The following SAP30BP variants were observed in gnomAD, a reference collection of about 807,000 sequenced individuals.
The protein encoded by SAP30BP is SAP30-binding protein.
Under a neutral mutation model 46.3 loss-of-function variants are expected in SAP30BP, and 31 were observed. That is an observed-to-expected ratio of 0.67 (90% confidence interval 0.50 to 0.90). SAP30BP has a LOEUF of 0.90. Among genes scored for constraint, SAP30BP ranks in the 40% least tolerant of loss-of-function variants. The pLI is 0.00. For synonymous variants in SAP30BP, 169 were observed against 144.2 expected (o/e 1.17, Z -1.23); for missense variants, 312 against 391.0 (o/e 0.80, Z 1.70).
At chr17:75,674,368 C>T (rs909059790) in intron 3 of SAP30BP, among the ~76,000 whole-genome samples, 19 of 152,136 alleles carry the variant, frequency 1.2e-4, no homozygotes, top group African/African-American at 4.3e-4. Flanking sequence ...GATCTCGGCT[C>T]AGTGCAACCT....
intron 3 of SAP30BP, 52 bp from the exon 4 acceptor site, chr17:75,693,388 G>T (rs2060267721): frequency 6.7e-7 from 1 of 1,493,944 alleles, no homozygotes; most frequent in Non-Finnish European, 9.3e-7. Flanking sequence ...GTAGAGAGTA[G>T]CTGGTTCAGG....
Position 75,703,328 on chromosome 17 carries a change from TC to T in SAP30BP, c.508del (p.Gln170SerfsTer31). 1 of 1,614,144 alleles carries T rather than the reference TC, an allele frequency of 6.2e-7. No homozygotes were observed. Among genetic ancestry groups the T allele is most frequent in the African/African-American group, 1.3e-5 (1 of 75,072 alleles). On this transcript the variant is annotated frameshift_variant, in exon 7 of 11. Coordinates refer to ENST00000584667, the MANE Select transcript of SAP30BP (RefSeq NM_013260.8). LOFTEE classifies it high-confidence loss of function. ...TCTTTCAGCATCTACGAGAAGCTGA[TC>T]CAGTTCTGTGCCATTGACGAGCTTG... is the stretch of plus-strand genomic sequence containing the variant. ...FRNPSIYEKL[I>X]QFCAIDELGT...
chr17:75,696,888 C>A (rs2060329416), intron 4 of SAP30BP, among the ~76,000 whole-genome samples: 1 of 151,478 alleles, frequency 6.6e-6, no homozygotes, highest in South Asian at 2.1e-4. Flanking sequence ...CACCATTCTC[C>A]TGCCTCAGCC....
intron 3 of SAP30BP, among the ~76,000 whole-genome samples, chr17:75,685,783 G>A (rs1243987018): frequency 6.6e-6 from 1 of 152,094 alleles, no homozygotes; most frequent in Non-Finnish European, 1.5e-5. Flanking sequence ...GCCTGTCCTG[G>A]CCTCACCACC....
Position 75,703,797 on chromosome 17 carries a change from T to G in SAP30BP, c.550-11T>G. On this transcript the variant is annotated splice_polypyrimidine_tract_variant and intron_variant, in intron 7 of 10. Coordinates refer to ENST00000584667, the MANE Select transcript of SAP30BP (RefSeq NM_013260.8). ...ATTTGTCATCTGAGTCATTCGCCTT[T>G]TCCTTTGCAGGATATGTTTGATCCC... 6.2e-7 allele frequency: 1 copy of G among 1,612,920 alleles called. No homozygotes were observed. The highest frequency in any genetic ancestry group is 8.5e-7 in the Non-Finnish European group (1 of 1,178,880).
chr17:75,689,065 A>T (rs2060204229), intron 3 of SAP30BP, among the ~76,000 whole-genome samples: 1 of 151,942 alleles, frequency 6.6e-6, no homozygotes, highest in Non-Finnish European at 1.5e-5. Flanking sequence ...GGTGTCCTCC[A>T]CCAGCTCAGC....
chr17:75,705,334 T>C, intron 9 of SAP30BP: 1 of 168,002 alleles, frequency 6.0e-6, no homozygotes, highest in Non-Finnish European at 1.3e-5. Flanking sequence ...TGGGCCTTGT[T>C]CCCTTTGTGA....
At position 75,706,352 on chromosome 17, in the gene SAP30BP, G is replaced by A. The variant is rs1238079099; in HGVS notation, c.758G>A (p.Arg253Lys). Residue 253 changes from arginine (R) to lysine (K), a missense_variant, in exon 11 of 11, where the codon AGA becomes AAA. Around this residue, in one of 2 missense-constraint regions of SAP30BP, gnomAD observed 296 missense variants for 346.6 expected, o/e 0.85. Coordinates refer to ENST00000584667, the MANE Select transcript of SAP30BP (RefSeq NM_013260.8). The surrounding 1 kb of genome is among the most constrained non-coding windows in gnomAD (Gnocchi z 4.6). Reference protein sequence around the residue: ...ASTAVADAQKRKSKWDSAIPV... With the variant: ...ASTAVADAQKKKSKWDSAIPV... ...GCTTTATCTCCAGATGCTCAGAAGAGAAAGAGCAAGTGGGATTCGGCTATC... is the reference window on the plus strand; with the variant it reads ...GCTTTATCTCCAGATGCTCAGAAGAAAAAGAGCAAGTGGGATTCGGCTATC... The A allele has an allele frequency of 6.2e-7, 1 of 1,613,384 alleles. No individual in the cohort carries two copies. The highest frequency in any genetic ancestry group is 8.5e-7 in the Non-Finnish European group (1 of 1,179,882).
rs68006166 is a variant in SAP30BP at position 75,687,917 on chromosome 17, G to GGTGTGTGTGTGT, written c.265-5495_265-5484dup. 5.2e-3 allele frequency among the ~76,000 whole-genome samples: 620 copies of GGTGTGTGTGTGT among 120,320 alleles called. 4 individuals are homozygous for GGTGTGTGTGTGT. The highest frequency in any genetic ancestry group is 0.013 in the African/African-American group (432 of 32,956). The allele number at this position is 120,320 out of a possible 152,430, so 78.9% of individuals were successfully genotyped here. A position where few individuals can be genotyped will look rare whatever the true frequency, so the allele number is the denominator to read the frequency against. ...CAGAAGACAAACTGACAGTGTTTGG[G>GGTGTGTGTGTGT]GTGTGTGTGTGTGTGTGTGTGTGTG... On this transcript the variant is annotated intron_variant, in intron 3 of 10. Transcript: ENST00000584667.
intron 3 of SAP30BP, among the ~76,000 whole-genome samples, chr17:75,682,465 G>A (rs527938434): frequency 7.8e-4 from 119 of 152,090 alleles, no homozygotes; most frequent in African/African-American, 2.7e-3. Context: ...GATTACAAGC[G>A]TGAGCTGGGA....
At chr17:75,667,515 G>T (rs1438798464) in intron 1 of SAP30BP, 37 bp downstream of exon 1, 1 of 1,587,716 alleles carries the variant, frequency 6.3e-7, no homozygotes, top group South Asian at 1.1e-5. Flanking sequence ...GGGGAATCGG[G>T]TGTCTGCCCG....
At chr17:75,672,186 A>G (rs2059917108) in intron 3 of SAP30BP, 2 of 341,166 alleles carry the variant, frequency 5.9e-6, no homozygotes, top group Non-Finnish European at 5.6e-6. Flanking sequence ...CTGCAGGTGG[A>G]TTAGTCTGTT....
At chr17:75,700,056 C>T (rs898986196) in intron 5 of SAP30BP, 185 bp downstream of exon 5, 21 of 470,764 alleles carry the variant, frequency 4.5e-5, no homozygotes, top group Non-Finnish European at 7.0e-5. Flanking sequence ...CAGGAGTTGG[C>T]TCCTACACCC....
chr17:75,702,629 A>AT (rs2060431055), intron 6 of SAP30BP, 58 bp downstream of exon 6: 1 of 811,686 alleles, frequency 1.2e-6, no homozygotes, highest in African/African-American at 1.7e-5. Flanking sequence ...ACTAAGGACT[A>AT]AGACGTCCCC....
intron 4 of SAP30BP, among the ~76,000 whole-genome samples, chr17:75,695,011 A>G (rs2060295741): frequency 6.6e-6 from 1 of 152,166 alleles, no homozygotes; most frequent in South Asian, 2.1e-4. Flanking sequence ...GTGATACAGA[A>G]CGCACCCATC....
intron 2 of SAP30BP, among the ~76,000 whole-genome samples, chr17:75,669,627 G>A (rs1293022750): frequency 6.6e-6 from 1 of 152,152 alleles, no homozygotes; most frequent in Non-Finnish European, 1.5e-5. Flanking sequence ...CTGGCCTCAA[G>A]CAATTCCCCT....
intron 4 of SAP30BP, among the ~76,000 whole-genome samples, chr17:75,694,382 T>G (rs1255711744): frequency 2.0e-5 from 3 of 152,138 alleles, no homozygotes; most frequent in Non-Finnish European, 4.4e-5. Flanking sequence ...AATCGTTCAT[T>G]CTATTTGTCT....
At chr17:75,687,558 A>G (rs1011926857) in intron 3 of SAP30BP, among the ~76,000 whole-genome samples, 13 of 151,638 alleles carry the variant, frequency 8.6e-5, no homozygotes, top group African/African-American at 3.1e-4. Context: ...CAAGGCTGCA[A>G]TGAGCTATGA....
At chr17:75,681,400 G>A (rs2060073971) in intron 3 of SAP30BP, among the ~76,000 whole-genome samples, 1 of 152,188 alleles carries the variant, frequency 6.6e-6, no homozygotes, top group Admixed American at 6.5e-5. Flanking sequence ...AGAAGACCAG[G>A]TCTCCCAGTT....
Sources: allele counts gnomAD v4.1 joint callset (sites outside exome capture counted in the v4.1 genomes callset), GRCh38; gene constraint gnomAD v4.1.1; regional missense constraint gnomAD v4.1.1; non-coding constraint Gnocchi (gnomAD v3.1); transcripts MANE v1.5; gene names NCBI Gene and HGNC (gene_info 2026-07-23, HGNC 2026-07-21).